Variants in CTNNA2 observed in about 807,000 individuals in gnomAD.
The protein encoded by CTNNA2 is catenin alpha 2.
CTNNA2 carries 42 observed loss-of-function variants against 101.0 expected under a neutral mutation model. The ratio of observed to expected loss-of-function variants is 0.42; its 90% confidence interval spans 0.32 to 0.54. The LOEUF is 0.54. Ranked by LOEUF, CTNNA2 falls within the 20% of genes least tolerant of loss-of-function variation. The pLI is 0.14. For missense variants in CTNNA2, 871 were observed against 1,223.1 expected, an observed-to-expected ratio of 0.71 and a Z score of 4.29; for synonymous variants, 450 against 456.4, an observed-to-expected ratio of 0.99 and a Z score of 0.18.
Position 79,674,773 on chromosome 2 carries a change from T to A in CTNNA2, c.102+23115T>A, listed in dbSNP as rs117948621. 8.2e-3 allele frequency among the ~76,000 whole-genome samples: 1,246 copies of A among 152,338 alleles called. 38 individuals carry two copies. In the East Asian group the frequency reaches 0.11, roughly 14 times the overall value. ...ACACTAAGCTATTTTCACTTGATAC[T>A]TTTTGTTATTGGCAACCAAAACCGA... On this transcript the variant is annotated intron_variant, in intron 2 of 18. Transcript: ENST00000402739.
intron 2 of CTNNA2, among the ~76,000 whole-genome samples, chr2:79,256,557 T>A (rs1250607003): frequency 1.3e-5 from 2 of 152,216 alleles, no homozygotes; most frequent in Non-Finnish European, 2.9e-5. Flanking sequence ...CACTATTTAA[T>A]TTCAGCAGAG....
chr2:79,526,013 A>G (rs1033490923), intron 1 of CTNNA2, among the ~76,000 whole-genome samples: 2 of 152,056 alleles, frequency 1.3e-5, no homozygotes, highest in African/African-American at 4.8e-5. Flanking sequence ...GTTTATGAAT[A>G]GCTGACTTCT....
chr2:80,054,896 T>G (rs1254835427), intron 7 of CTNNA2, among the ~76,000 whole-genome samples: 4 of 152,166 alleles, frequency 2.6e-5, no homozygotes, highest in African/African-American at 7.2e-5. Flanking sequence ...GTTTTTAGTT[T>G]CCCATCTTAA....
At chr2:80,519,689 T>C (rs745389501) in intron 9 of CTNNA2, among the ~76,000 whole-genome samples, 7 of 152,232 alleles carry the variant, frequency 4.6e-5, no homozygotes, top group Admixed American at 6.5e-5. Context: ...CTGACTTTTC[T>C]GTTTGGTAAT....
intron 7 of CTNNA2, among the ~76,000 whole-genome samples, chr2:79,931,762 A>T (rs999311369): frequency 2.0e-5 from 3 of 152,082 alleles, no homozygotes; most frequent in Non-Finnish European, 2.9e-5. Context: ...GAGGCAGACA[A>T]CCACAAAAAT....
intron 7 of CTNNA2, among the ~76,000 whole-genome samples, chr2:80,248,103 C>G (rs145668470): frequency 6.6e-6 from 1 of 151,208 alleles, no homozygotes; most frequent in Non-Finnish European, 1.5e-5. Context: ...TGTGCCCTAT[C>G]TCTTTGAGGT....
chr2:79,240,672 G>A (rs910138151), intron 2 of CTNNA2, among the ~76,000 whole-genome samples: 1 of 152,154 alleles, frequency 6.6e-6, no homozygotes, highest in Non-Finnish European at 1.5e-5. Context: ...ATGAGGTACA[G>A]ACAATAAGTA....
chr2:80,541,765 C>T (rs1691575668), intron 9 of CTNNA2, among the ~76,000 whole-genome samples: 3 of 151,796 alleles, frequency 2.0e-5, no homozygotes, highest in Admixed American at 6.6e-5. Flanking sequence ...GTCTGCAAGT[C>T]TCAACTCCAA....
At chr2:80,179,939 C>G (rs1300627307) in intron 7 of CTNNA2, among the ~76,000 whole-genome samples, 1 of 152,158 alleles carries the variant, frequency 6.6e-6, no homozygotes, top group Admixed American at 6.5e-5. Flanking sequence ...TGGGGACTCA[C>G]TGGACCCACT....
chr2:80,172,770 A>T (rs1293572019), intron 7 of CTNNA2, among the ~76,000 whole-genome samples: 1 of 152,176 alleles, frequency 6.6e-6, no homozygotes, highest in African/African-American at 2.4e-5. Context: ...GGCAGTCTTT[A>T]CGTCCCTTGG....
chr2:80,581,568 C>A, intron 13 of CTNNA2, 138 bp from the exon 14 acceptor site: 1 of 581,312 alleles, frequency 1.7e-6, no homozygotes, highest in Non-Finnish European at 3.1e-6. Flanking sequence ...TAATACTCAC[C>A]CACATAGCTG....
chr2:79,253,364 T>C, intron 2 of CTNNA2, among the ~76,000 whole-genome samples: 1 of 152,230 alleles, frequency 6.6e-6, no homozygotes, highest in East Asian at 1.9e-4. Context: ...CAAATTCTAC[T>C]AATTAGCATG....
chr2:80,062,080 G>T (rs896191258), intron 7 of CTNNA2, among the ~76,000 whole-genome samples: 6 of 152,210 alleles, frequency 3.9e-5, no homozygotes, highest in African/African-American at 9.7e-5. Flanking sequence ...AGCTGACATT[G>T]CCACTGTAGC....
chr2:80,551,483 A>G (rs1692552181), intron 11 of CTNNA2, among the ~76,000 whole-genome samples: 2 of 152,222 alleles, frequency 1.3e-5, no homozygotes, highest in South Asian at 4.1e-4. Context: ...CCCTTAATCA[A>G]TGATCTTAGC....
At chr2:79,700,048 G>C (rs759959704) in intron 2 of CTNNA2, among the ~76,000 whole-genome samples, 2 of 151,528 alleles carry the variant, frequency 1.3e-5, no homozygotes, top group Non-Finnish European at 2.9e-5. Context: ...TGGTTTTCTT[G>C]TTACATAGTA....
In CTNNA2 at chr2:80,155,978, A is replaced by G. The variant is rs1246803548; in HGVS notation, c.1057-237233A>G. Among the ~76,000 whole-genome samples, 3 of 152,196 alleles carry G rather than the reference A, an allele frequency of 2.0e-5. No individual in the cohort carries two copies. The South Asian group carries it at 6.2e-4, about 32-fold the overall frequency. The stretch of plus-strand genomic sequence containing the variant: ...AGGCCACTATTGCCCAGATATTAGC[A>G]TGCATATGAATCACCTGGGGCTCTT... On this transcript the variant is annotated intron_variant, in intron 7 of 18. Transcript: ENST00000402739.
At chr2:79,709,272 A>C (rs1234719129) in intron 2 of CTNNA2, among the ~76,000 whole-genome samples, 1 of 152,204 alleles carries the variant, frequency 6.6e-6, no homozygotes, top group Non-Finnish European at 1.5e-5. Context: ...AGAATTTAAC[A>C]AAGAAACAAG....
intron 7 of CTNNA2, among the ~76,000 whole-genome samples, chr2:79,965,788 C>A (rs1423002764): frequency 2.3e-5 from 3 of 130,732 alleles, no homozygotes; most frequent in African/African-American, 9.0e-5. Context: ...GGCACCACTG[C>A]CACTGTACTC....
intron 7 of CTNNA2, among the ~76,000 whole-genome samples, chr2:80,153,014 T>C (rs1703799508): frequency 6.6e-6 from 1 of 152,252 alleles, no homozygotes; most frequent in African/African-American, 2.4e-5. Context: ...ATCAGCCATA[T>C]TGACAACTAC....
Sources: allele counts gnomAD v4.1 joint callset (sites outside exome capture counted in the v4.1 genomes callset), GRCh38; gene constraint gnomAD v4.1.1; transcripts MANE v1.5; gene names NCBI Gene and HGNC (gene_info 2026-07-23, HGNC 2026-07-21).